The following RBM6 variants were observed in gnomAD, a reference collection of about 807,000 sequenced individuals.
The protein encoded by RBM6 is RNA-binding protein 6.
In RBM6, 23 loss-of-function variants were observed where a neutral mutation model predicts 140.4. The ratio of observed to expected loss-of-function variants is 0.16; its 90% CI spans 0.12 to 0.23. The LOEUF is 0.23. RBM6 is among the 10% of genes least tolerant of loss of function. The pLI is 1.00. For missense variants in RBM6, 1,139 were observed against 1,386.7 expected (o/e 0.82, Z 2.84); for synonymous variants, 439 against 475.6 (o/e 0.92, Z 1.00).
At chr3:49,983,524 C>A (rs965609191) in intron 5 of RBM6, among the ~76,000 whole-genome samples, 21 of 151,982 alleles carry the variant, frequency 1.4e-4, no homozygotes, top group African/African-American at 5.1e-4. Context: ...AGCTTAACAT[C>A]ATTTAGAAAA....
chr3:50,023,741 C>T (rs753465301), intron 6 of RBM6, among the ~76,000 whole-genome samples: 2 of 149,592 alleles, frequency 1.3e-5, no homozygotes, highest in African/African-American at 2.5e-5. Context: ...CTGCAACCTC[C>T]GAGTTCAAGT....
At position 50,068,708 on chromosome 3, in the gene RBM6, C is replaced by T. The variant is rs901901922; in HGVS notation, c.2962C>T (p.Arg988Trp). Residue 988 changes from arginine (R) to tryptophan (W), a missense_variant, in exon 18 of 21, where the codon CGG becomes TGG. Physicochemically the swap from Arg to Trp is moderately radical, Grantham distance 101. Around this residue, in one of 9 missense-constraint regions of RBM6, gnomAD observed 40 missense variants for 80.1 expected, o/e 0.50. Coordinates refer to ENST00000266022, the MANE Select transcript of RBM6 (RefSeq NM_005777.3). ...TTCTCAGCAAAACCTGGAAATCCAC[C>T]GGAAGATAAAACAGTCTGAGCAGGA... is the stretch of plus-strand genomic sequence containing the variant. ...DLHKQNLEIH[R>W]KIKQSEQELA... 5 of 1,613,948 alleles carry T rather than the reference C, an allele frequency of 3.1e-6. No homozygotes were observed. Among genetic ancestry groups the T allele is most frequent in the Admixed American group, 1.7e-5 (1 of 59,990 alleles).
intron 3 of RBM6, among the ~76,000 whole-genome samples, chr3:49,969,589 A>G (rs1186002558): frequency 2.0e-5 from 3 of 149,936 alleles, no homozygotes; most frequent in Non-Finnish European, 4.4e-5. Flanking sequence ...GTGTGTATAT[A>G]TGAAGGAACT....
Position 50,054,360 on chromosome 3 carries a change from G to A in RBM6, c.1658G>A (p.Arg553Gln), listed in dbSNP as rs748094077. Residue 553 changes from arginine to glutamine, a missense_variant, in exon 8 of 21, where the codon CGA becomes CAA. Arg to Gln is a conservative substitution (Grantham distance 43). This residue lies in a region of RBM6 where 58 missense variants were observed against 99.7 expected (regional missense o/e 0.58). Transcript: ENST00000266022. ...TGTAAGGCAAACATTGGTGGGCACCGATCTTCCTGTTCATTCTGCAAGAAC... is the reference window on the plus strand; with the variant it reads ...TGTAAGGCAAACATTGGTGGGCACCAATCTTCCTGTTCATTCTGCAAGAAC... Reference protein sequence around the residue: ...KRCKANIGGHRSSCSFCKNPR... With the variant: ...KRCKANIGGHQSSCSFCKNPR... The A allele has an allele frequency of 1.9e-5, 31 of 1,613,076 alleles. No homozygotes were observed. The highest frequency in any genetic ancestry group is 2.5e-5 in the Non-Finnish European group (29 of 1,179,186).
chr3:49,995,092 A>G (rs2086020815), intron 5 of RBM6, among the ~76,000 whole-genome samples: 1 of 152,130 alleles, frequency 6.6e-6, no homozygotes, highest in Admixed American at 6.6e-5. Flanking sequence ...AATACTATTT[A>G]TCAGGGTTTT....
In RBM6 at chr3:50,077,017, C is replaced by A. The variant is rs776350260; in HGVS notation, c.3256C>A (p.Arg1086=). Residue 1086 remains arginine, a synonymous_variant, in exon 21 of 21, where the codon CGG becomes AGG. Coordinates refer to ENST00000266022, the MANE Select transcript of RBM6 (RefSeq NM_005777.3). The stretch of plus-strand genomic sequence containing the variant: ...TGTCTTTGTTTTACAGGCTGAAGGC[C>A]GGATGAGGGGCCCCAGTGTTGGAGC... The part of the protein sequence containing the change: ...GLASSEEAEG[R]MRGPSVGASG... 6 of 1,610,588 alleles carry A rather than the reference C, an allele frequency of 3.7e-6. No homozygotes were observed. The highest frequency in any genetic ancestry group is 4.2e-6 in the Non-Finnish European group (5 of 1,179,134).
Position 50,061,559 on chromosome 3 carries a change from GCTTT to G in RBM6, c.2439+13_2439+16del, listed in dbSNP as rs765487221. The G allele has an allele frequency of 2.1e-6, 3 of 1,421,206 alleles. No homozygotes were observed. Among genetic ancestry groups the G allele is most frequent in the Non-Finnish European group, 1.8e-6 (2 of 1,104,690 alleles). 88.0% of individuals were successfully genotyped at this position (1,421,206 alleles called of 1,614,324 possible). ...ACCCCAATACCCAGGTGAGTTTGGG[GCTTT>G]TTTTTTTTTTTTTTTTTTTTTACCT... On this transcript the variant is annotated intron_variant, in intron 14 of 20. Coordinates refer to ENST00000266022, the MANE Select transcript of RBM6 (RefSeq NM_005777.3).
intron 6 of RBM6, among the ~76,000 whole-genome samples, chr3:50,040,925 G>A (rs1373994904): frequency 5.3e-5 from 8 of 152,108 alleles, no homozygotes; most frequent in African/African-American, 1.7e-4. Context: ...GGTTACAGGC[G>A]TGAGCCACTG....
At chr3:50,028,693 G>A (rs1310011163) in intron 6 of RBM6, among the ~76,000 whole-genome samples, 1 of 152,180 alleles carries the variant, frequency 6.6e-6, no homozygotes, top group Non-Finnish European at 1.5e-5. Flanking sequence ...TAGATTGAAA[G>A]GTCCATGAAA....
intron 6 of RBM6, among the ~76,000 whole-genome samples, chr3:50,039,590 G>A (rs1394006451): frequency 6.6e-6 from 1 of 151,256 alleles, no homozygotes; most frequent in African/African-American, 2.4e-5. Context: ...TTTGACTAAG[G>A]TTTTTATAAA....
intron 5 of RBM6, among the ~76,000 whole-genome samples, chr3:49,982,336 C>T (rs1288636190): frequency 1.4e-5 from 2 of 142,172 alleles, no homozygotes; most frequent in Non-Finnish European, 3.0e-5. Context: ...CCCTTGACCT[C>T]CTGTCAAGCA....
At chr3:50,009,424 A>G (rs996492252) in intron 6 of RBM6, among the ~76,000 whole-genome samples, 1 of 152,200 alleles carries the variant, frequency 6.6e-6, no homozygotes, top group Non-Finnish European at 1.5e-5. Flanking sequence ...CTTGGAGGTT[A>G]CAGTATATCT....
Position 50,061,171 on chromosome 3 carries a change from G to A in RBM6, c.2303G>A (p.Gly768Asp), listed in dbSNP as rs147819907. 2 of 1,614,154 alleles carry A rather than the reference G, an allele frequency of 1.2e-6. No individual in the cohort carries two copies. Among genetic ancestry groups the A allele is most frequent in the Non-Finnish European group, 8.5e-7 (1 of 1,180,026 alleles). Reference protein sequence around the residue: ...GKKYFRDRRGGGRNSDWSSDT... With the variant: ...GKKYFRDRRGDGRNSDWSSDT... The stretch of plus-strand genomic sequence containing the variant: ...AAATATTTCCGAGATAGGAGGGGAG[G>A]TGGCAGAAATTCAGACTGGTCTTCA... Residue 768 changes from glycine (G) to aspartate (D), a missense_variant, in exon 13 of 21, where the codon GGT becomes GAT. Coordinates refer to ENST00000266022, the MANE Select transcript of RBM6 (RefSeq NM_005777.3).
Position 50,060,973 on chromosome 3 carries a change from A to G in RBM6, c.2246A>G (p.His749Arg), listed in dbSNP as rs2089915238. The G allele has an allele frequency of 3.2e-6, 5 of 1,583,338 alleles. No individual in the cohort carries two copies. Among genetic ancestry groups the G allele is most frequent in the Non-Finnish European group, 4.3e-6 (5 of 1,167,334 alleles). ...TGTTGCAGAAATGATTCTGGGGACCATTCTGACCACATGCATTACTATCAG... is the reference window on the plus strand; with the variant it reads ...TGTTGCAGAAATGATTCTGGGGACCGTTCTGACCACATGCATTACTATCAG... ...TGKRRNDSGD[H>R]SDHMHYYQGK... Residue 749 changes from histidine to arginine, a missense_variant, in exon 12 of 21, where the codon CAT becomes CGT. This residue lies in a region of RBM6 where 163 missense variants were observed against 182.8 expected (regional missense o/e 0.89). Coordinates refer to ENST00000266022, the MANE Select transcript of RBM6 (RefSeq NM_005777.3).
rs2089780608 is a variant in RBM6 at position 50,057,958 on chromosome 3, A to T, written c.1924A>T (p.Arg642Trp). ...EGPTFRRDRE[R>W]ESWSGETRQD... ...GCCAACTTTCCGAAGAGACCGAGAG[A>T]GGGAGTCATGGTCTGGAGAGACACG... The change falls in exon 9 of 21, where the codon AGG (arginine) becomes TGG (tryptophan). Residue 642 changes from arginine to tryptophan, a missense_variant. Arg to Trp is a moderately radical substitution (Grantham distance 101). Around this residue, in one of 9 missense-constraint regions of RBM6, gnomAD observed 109 missense variants for 101.9 expected, o/e 1.07. Coordinates refer to ENST00000266022, the MANE Select transcript of RBM6 (RefSeq NM_005777.3). 6.2e-7 allele frequency: 1 copy of T among 1,614,122 alleles called. No homozygotes were observed. The highest frequency in any genetic ancestry group is 1.3e-5 in the African/African-American group (1 of 75,050).
rs777746306 is a variant in RBM6 at position 50,066,374 on chromosome 3, C to T, written c.2815C>T (p.Gln939Ter). ...RTAQPQKREE[Q>*]TKKENEEDKL... is the part of the protein sequence containing the mutation. ...AGCACAGCCCCAGAAGCGAGAGGAG[C>T]AAACCAAGAAGGAGAATGAAGAAGA... Residue 939 changes from glutamine (Q) to a stop codon, truncating the protein, a stop_gained, in exon 17 of 21, where the codon CAA (glutamine) becomes TAA (stop). Transcript: ENST00000266022. LOFTEE classifies it high-confidence loss of function. 6.2e-7 allele frequency: 1 copy of T among 1,614,098 alleles called. No individual in the cohort carries two copies. Among genetic ancestry groups the T allele is most frequent in the Admixed American group, 1.7e-5 (1 of 60,016 alleles).
intron 6 of RBM6, among the ~76,000 whole-genome samples, chr3:50,016,982 C>T (rs1009054486): frequency 1.3e-5 from 2 of 152,084 alleles, no homozygotes; most frequent in African/African-American, 4.8e-5. Context: ...TGTGCCACCA[C>T]ACCCAGTTAA....
chr3:49,962,708 T>C, intron 2 of RBM6, 23 bp downstream of exon 2: 1 of 1,551,550 alleles, frequency 6.4e-7, no homozygotes, highest in Non-Finnish European at 8.7e-7. Flanking sequence ...ATTTGAATAT[T>C]GAAATTGCCA....
chr3:50,041,048 A>G (rs1218546711), intron 6 of RBM6, among the ~76,000 whole-genome samples: 2 of 152,176 alleles, frequency 1.3e-5, no homozygotes, highest in Non-Finnish European at 2.9e-5. Flanking sequence ...GAGAACACAA[A>G]TAAGATTTTG....
Sources: allele counts gnomAD v4.1 joint callset (sites outside exome capture counted in the v4.1 genomes callset), GRCh38; gene constraint gnomAD v4.1.1; regional missense constraint gnomAD v4.1.1; transcripts MANE v1.5; gene names NCBI Gene and HGNC (gene_info 2026-07-23, HGNC 2026-07-21).